Variants in UGT1A8 observed in about 807,000 individuals in gnomAD.
UGT1A8 encodes UDP-glucuronosyltransferase 1A8.
A neutral mutation model predicts 45.3 loss-of-function variants in UGT1A8; 39 were observed. The ratio of observed to expected loss-of-function variants is 0.86; its 90% CI spans 0.67 to 1.12. UGT1A8 has a LOEUF of 1.12. UGT1A8 is among the 50% of genes most tolerant of loss of function. The probability of loss-of-function intolerance (pLI) is 0.00; values close to 1 mark genes in which losing one functional copy is unlikely to be tolerated. For missense variants in UGT1A8, 719 were observed against 664.9 expected (o/e 1.08, Z -0.90); for synonymous variants, 275 against 249.2 (o/e 1.10, Z -0.97).
intron 1 of UGT1A8, among the ~76,000 whole-genome samples, chr2:233,703,977 G>A (rs139887897): frequency 2.6e-5 from 4 of 151,538 alleles, no homozygotes; most frequent in African/African-American, 4.9e-5. Flanking sequence ...TGCAACCTCC[G>A]CCTCCTGGGT....
chr2:233,765,641 G>A (rs914163891), intron 1 of UGT1A8, among the ~76,000 whole-genome samples: 1 of 151,492 alleles, frequency 6.6e-6, no homozygotes, highest in African/African-American at 2.4e-5. Flanking sequence ...TTAGAGGATA[G>A]GTCAATAGGT....
chr2:233,692,652 A>G lies in UGT1A8; in HGVS notation c.855+74090A>G, dbSNP rs952834629. On this transcript the variant is annotated intron_variant, in intron 1 of 4. Coordinates refer to ENST00000373450, the MANE Select transcript of UGT1A8 (RefSeq NM_019076.5). ...AGACAACGTCAATGATGAGGAATCC[A>G]GCAAGTTCGGGATAGAGAATTGGCA... 1.1e-4 allele frequency among the ~76,000 whole-genome samples: 16 copies of G among 152,334 alleles called. 1 individual carries two copies. The highest frequency in any genetic ancestry group is 6.8e-3 in the Middle Eastern group (2 of 294).
intron 1 of UGT1A8, among the ~76,000 whole-genome samples, chr2:233,626,346 C>T (rs911712798): frequency 6.6e-6 from 1 of 151,704 alleles, no homozygotes; most frequent in African/African-American, 2.4e-5. Context: ...CATCTTCTTT[C>T]TCATCAAGTA....
rs1455493233 is a variant in UGT1A8 at position 233,637,249 on chromosome 2, G to A, written c.855+18687G>A. 5 of 1,613,810 alleles carry A rather than the reference G, an allele frequency of 3.1e-6. No homozygotes were observed. The African/African-American group carries it at 4.0e-5, about 13-fold the overall frequency. On this transcript the variant is annotated intron_variant, in intron 1 of 4. Transcript: ENST00000373450. The stretch of plus-strand genomic sequence containing the variant: ...TCTCCAAACCCCTGTCACGGCATAT[G>A]ATCTCTACAGTCACACATCAATTTG...
At chr2:233,658,729 T>C (rs1453445534) in intron 1 of UGT1A8, among the ~76,000 whole-genome samples, 4 of 152,230 alleles carry the variant, frequency 2.6e-5, no homozygotes, top group African/African-American at 9.6e-5. Flanking sequence ...TTGAAAAGAG[T>C]AGTCTTTTCT....
chr2:233,700,353 T>G (rs2075558735), intron 1 of UGT1A8, among the ~76,000 whole-genome samples: 1 of 152,198 alleles, frequency 6.6e-6, no homozygotes, highest in Non-Finnish European at 1.5e-5. Context: ...GTGCTTATCT[T>G]TATGGCTGAT....
At chr2:233,709,289 A>G (rs2076069950) in intron 1 of UGT1A8, among the ~76,000 whole-genome samples, 1 of 152,138 alleles carries the variant, frequency 6.6e-6, no homozygotes, top group African/African-American at 2.4e-5. Context: ...CCCTTCAATT[A>G]ATGATATTTT....
At chr2:233,646,845 T>A (rs1381899183) in intron 1 of UGT1A8, among the ~76,000 whole-genome samples, 1 of 152,236 alleles carries the variant, frequency 6.6e-6, no homozygotes, top group African/African-American at 2.4e-5. Flanking sequence ...AGTTCTAAAG[T>A]CCCTTCCACG....
At chr2:233,626,737 A>G (rs2073090348) in intron 1 of UGT1A8, among the ~76,000 whole-genome samples, 1 of 152,084 alleles carries the variant, frequency 6.6e-6, no homozygotes, top group South Asian at 2.1e-4. Flanking sequence ...TGAGTTCTAA[A>G]GTTCCTTATG....
At chr2:233,630,840 T>C (rs1441700015) in intron 1 of UGT1A8, among the ~76,000 whole-genome samples, 1 of 146,160 alleles carries the variant, frequency 6.8e-6, no homozygotes, top group Admixed American at 6.8e-5. Context: ...CTAAAACTCT[T>C]TTTTTTTTTT....
At chr2:233,736,459 C>T (rs1461778368) in intron 1 of UGT1A8, among the ~76,000 whole-genome samples, 1 of 152,202 alleles carries the variant, frequency 6.6e-6, no homozygotes, top group African/African-American at 2.4e-5. Flanking sequence ...TTCGAACATG[C>T]ACTTTTAGCT....
chr2:233,769,824 C>A lies in UGT1A8; in HGVS notation c.1295+1385C>A. On this transcript the variant is annotated intron_variant, in intron 4 of 4. Transcript: ENST00000373450. This position sits in a 1 kb window ranked among gnomAD's most constrained non-coding sequence, Gnocchi z 4.4. The stretch of plus-strand genomic sequence containing the variant: ...GAGCCGTGATCATGCCACTGCACTC[C>A]AGCAACCTGGGCAACAGAGTGAGAC... 2 of 763,338 alleles carry A rather than the reference C, an allele frequency of 2.6e-6. No homozygotes were observed. The highest frequency in any genetic ancestry group is 3.7e-6 in the Non-Finnish European group (2 of 534,878). The allele number at this position is 763,338 out of a possible 1,614,324, so 47.3% of individuals were successfully genotyped here. A position where few individuals can be genotyped will look rare whatever the true frequency, so the allele number is the denominator to read the frequency against.
intron 1 of UGT1A8, chr2:233,713,099 T>C (rs1323075869): frequency 1.2e-6 from 2 of 1,614,072 alleles, no homozygotes; most frequent in Admixed American, 1.7e-5. Flanking sequence ...TGGTGCCCAC[T>C]GATGGCAGCC....
At chr2:233,757,778 T>A (rs1328848691) in intron 1 of UGT1A8, among the ~76,000 whole-genome samples, 1 of 151,774 alleles carries the variant, frequency 6.6e-6, no homozygotes, top group African/African-American at 2.4e-5. Flanking sequence ...AATAAGCCTG[T>A]CATTCTGATT....
At position 233,647,651 on chromosome 2, in the gene UGT1A8, A is replaced by G. The variant is rs28969988; in HGVS notation, c.855+29089A>G. Reference sequence around the variant, plus strand: ...GTCTTTTAAGAAATTTGTCCATTCCATCTAAGTTGTAGATTTTATTGGCAT... The same window carrying G: ...GTCTTTTAAGAAATTTGTCCATTCCGTCTAAGTTGTAGATTTTATTGGCAT... On this transcript the variant is annotated intron_variant, in intron 1 of 4. Transcript: ENST00000373450. Among the ~76,000 whole-genome samples, 470 of 152,302 alleles carry G rather than the reference A, an allele frequency of 3.1e-3. 1 individual carries two copies. Among genetic ancestry groups the G allele is most frequent in the African/African-American group, 0.01 (418 of 41,564 alleles).
intron 1 of UGT1A8, chr2:233,682,510 C>T: frequency 6.2e-7 from 1 of 1,613,930 alleles, no homozygotes; most frequent in Non-Finnish European, 8.5e-7. Flanking sequence ...CCTATGTCCC[C>T]AGACTTCTCT....
intron 1 of UGT1A8, among the ~76,000 whole-genome samples, chr2:233,702,959 T>C (rs1364239981): frequency 1.3e-5 from 2 of 152,224 alleles, no homozygotes; most frequent in Non-Finnish European, 2.9e-5. Flanking sequence ...TGAATATTAC[T>C]GGCCTTGTAG....
At position 233,764,416 on chromosome 2, in the gene UGT1A8, C is replaced by A. The variant is rs559795881; in HGVS notation, c.856-2618C>A. ...GACAACTTCTCTGCAGTTTGCCCTGCGTGAATCTCCAGATGAACTTTTGTG... is the reference window on the plus strand; with the variant it reads ...GACAACTTCTCTGCAGTTTGCCCTGAGTGAATCTCCAGATGAACTTTTGTG... On this transcript the variant is annotated intron_variant, in intron 1 of 4. Transcript: ENST00000373450. Among the ~76,000 whole-genome samples, 6 of 152,272 alleles carry A rather than the reference C, an allele frequency of 3.9e-5. No individual in the cohort carries two copies. In the South Asian group the frequency reaches 8.3e-4, roughly 21 times the overall value.
intron 2 of UGT1A8, 140 bp downstream of exon 2, chr2:233,767,305 GTTTT>G: frequency 4.6e-6 from 7 of 1,519,176 alleles, no homozygotes; most frequent in Non-Finnish European, 4.4e-6. Context: ...TAATCCAAAG[GTTTT>G]TTTTGTTGTT....
Sources: gnomAD v4.1 joint callset for allele counts (sites outside exome capture counted in the v4.1 genomes callset) on GRCh38, gnomAD v4.1.1 for gene constraint, Gnocchi (gnomAD v3.1) non-coding constraint, MANE v1.5 for transcripts, NCBI Gene and HGNC (gene_info 2026-07-23, HGNC 2026-07-21) for gene names.